Variants in RAB9B observed in about 807,000 individuals in gnomAD.
RAB9B encodes ras-related protein Rab-9B.
RAB9B carries 1 observed loss-of-function variant against 8.9 expected under a neutral mutation model. The observed-to-expected ratio is 0.11, with a 90% CI of 0.04 to 0.53. The LOEUF (loss-of-function observed/expected upper bound fraction) is 0.53. Ranked by LOEUF, RAB9B falls within the 20% of genes least tolerant of loss-of-function variation. RAB9B has a pLI of 0.93. For missense variants in RAB9B, 82 were observed against 152.9 expected (o/e 0.54, Z 2.45); for synonymous variants, 63 against 57.0 (o/e 1.10, Z -0.47).
At position 103,823,800 on chromosome X, in the gene RAB9B, G is replaced by A. The variant is rs1298931949; in HGVS notation, c.*1379C>T. 1.8e-5 allele frequency: 2 copies of A among 112,213 alleles called. No homozygotes were observed. Among genetic ancestry groups the A allele is most frequent in the Non-Finnish European group, 3.8e-5 (2 of 53,263 alleles). 9.2% of individuals were successfully genotyped at this position (112,213 alleles called of 1,213,427 possible). On this transcript the variant is annotated 3_prime_UTR_variant, in exon 3 of 3. Coordinates refer to ENST00000243298, the MANE Select transcript of RAB9B (RefSeq NM_016370.4). ...GAGCTCAAGAATTTTTCCTGCCACA[G>A]TGCAAAAGCAAAAGGAAGAGCTATG...
chrX:103,816,865 C>A, the RAB9B span, among the ~76,000 whole-genome samples: 1 of 112,358 alleles, frequency 8.9e-6, no homozygotes, highest in Non-Finnish European at 1.9e-5. Context: ...AAATGCAAAT[C>A]AAAACCACAA....
In RAB9B at chrX:103,824,701, G is replaced by A. The variant is rs1310146103; in HGVS notation, c.*478C>T. ...AATTCAAGCCTAGGAATCCTTATTTGCATTATTATTTTTATTGTAATACAG... is the reference window on the plus strand; with the variant it reads ...AATTCAAGCCTAGGAATCCTTATTTACATTATTATTTTTATTGTAATACAG... On this transcript the variant is annotated 3_prime_UTR_variant, in exon 3 of 3. Coordinates refer to ENST00000243298, the MANE Select transcript of RAB9B (RefSeq NM_016370.4). 2.7e-5 allele frequency: 3 copies of A among 112,010 alleles called. No homozygotes were observed. Among genetic ancestry groups the A allele is most frequent in the African/African-American group, 9.8e-5 (3 of 30,531 alleles). The allele number at this position is 112,010 out of a possible 1,213,427, so 9.2% of individuals were successfully genotyped here. A position where few individuals can be genotyped will look rare whatever the true frequency, so the allele number is the denominator to read the frequency against.
the RAB9B span, chrX:103,785,510 C>A: frequency 1.1e-6 from 1 of 931,992 alleles, no homozygotes; most frequent in Non-Finnish European, 1.6e-6. Context: ...AGCACAGGGC[C>A]TGGCAGAGGG....
At position 103,824,311 on chromosome X, in the gene RAB9B, C is replaced by G. The variant is rs899281651; in HGVS notation, c.*868G>C. Reference sequence around the variant, plus strand: ...TCTCCATGAGCCCAGCATGTTGGATCAAAGGACCATCTAAATGATGAGCAG... The same window carrying G: ...TCTCCATGAGCCCAGCATGTTGGATGAAAGGACCATCTAAATGATGAGCAG... On this transcript the variant is annotated 3_prime_UTR_variant, in exon 3 of 3. Transcript: ENST00000243298. 2 of 112,250 alleles carry G rather than the reference C, an allele frequency of 1.8e-5. No individual in the cohort carries two copies. The highest frequency in any genetic ancestry group is 6.5e-5 in the African/African-American group (2 of 30,903). 9.3% of individuals were successfully genotyped at this position (112,250 alleles called of 1,213,427 possible).
the RAB9B span, among the ~76,000 whole-genome samples, chrX:103,795,536 A>C: frequency 8.9e-6 from 1 of 111,970 alleles, no homozygotes; most frequent in Non-Finnish European, 1.9e-5. Context: ...AGATGGTTTT[A>C]ATTCTAGTTG....
In RAB9B at chrX:103,822,992, T is replaced by C. The variant is rs1388245237; in HGVS notation, c.*2187A>G. The C allele has an allele frequency of 2.7e-5, 3 of 110,908 alleles. No individual in the cohort carries two copies. The highest frequency in any genetic ancestry group is 5.7e-5 in the Non-Finnish European group (3 of 52,976). 9.1% of individuals were successfully genotyped at this position (110,908 alleles called of 1,213,427 possible). On this transcript the variant is annotated 3_prime_UTR_variant, in exon 3 of 3. Coordinates refer to ENST00000243298, the MANE Select transcript of RAB9B (RefSeq NM_016370.4). Reference sequence around the variant, plus strand: ...AGGATGCCTATGAATCCGATACCCATGTAATTTTTTTTTTTTTACTCAAAT... The same window carrying C: ...AGGATGCCTATGAATCCGATACCCACGTAATTTTTTTTTTTTTACTCAAAT...
chrX:103,829,042 G>A (rs1008843610), intron 1 of RAB9B, among the ~76,000 whole-genome samples: 1 of 111,941 alleles, frequency 8.9e-6, no homozygotes, highest in Non-Finnish European at 1.9e-5. Context: ...AGCTTATGAA[G>A]TTTGCAAAGA....
At position 103,825,834 on chromosome X, in the gene RAB9B, T is replaced by C; in HGVS notation, c.-42-8A>G. On this transcript the variant is annotated splice_region_variant and splice_polypyrimidine_tract_variant and intron_variant, in intron 2 of 2. Transcript: ENST00000243298. ...GTTTGTAACCAAGAGAACCTGAAAA[T>C]AAAAGGAAAAGTAGGAGGGAAAACA... 1 of 1,103,230 alleles carries C rather than the reference T, an allele frequency of 9.1e-7. No individual in the cohort carries two copies. Among genetic ancestry groups the C allele is most frequent in the Admixed American group, 3.0e-5 (1 of 33,304 alleles). The allele number at this position is 1,103,230 out of a possible 1,213,427, so 90.9% of individuals were successfully genotyped here. A position where few individuals can be genotyped will look rare whatever the true frequency, so the allele number is the denominator to read the frequency against.
chrX:103,777,101 C>T, the RAB9B span: 13 of 665,243 alleles, frequency 2.0e-5, no homozygotes, highest in African/African-American at 1.9e-4. Context: ...TTAAATGAGT[C>T]GTGTTTTGGC....
Position 103,823,736 on chromosome X carries a change from C to A in RAB9B, c.*1443G>T, listed in dbSNP as rs1448334422. The A allele has an allele frequency of 8.9e-6, 1 of 111,994 alleles. No individual in the cohort carries two copies. The highest frequency in any genetic ancestry group is 1.9e-5 in the Non-Finnish European group (1 of 53,184). The allele number at this position is 111,994 out of a possible 1,213,427, so 9.2% of individuals were successfully genotyped here. On this transcript the variant is annotated 3_prime_UTR_variant, in exon 3 of 3. Coordinates refer to ENST00000243298, the MANE Select transcript of RAB9B (RefSeq NM_016370.4). ...CCATTTTTATATTTTAACATGGGAG[C>A]TTTAAGATGTTTTTTATCAGTCACA...
At chrX:103,801,376 G>C in the RAB9B span, among the ~76,000 whole-genome samples, 6 of 110,962 alleles carry the variant, frequency 5.4e-5, no homozygotes, top group Admixed American at 9.6e-5. Context: ...CTGCCAAGTG[G>C]TGACAGGCCT....
At chrX:103,818,213 C>G (rs1487250713), downstream of RAB9B, among the ~76,000 whole-genome samples, 2 of 111,376 alleles carry the variant, frequency 1.8e-5, no homozygotes, top group Non-Finnish European at 3.8e-5. Context: ...AATGTATAAA[C>G]AATTACTCTC....
At chrX:103,809,969 G>A in the RAB9B span, among the ~76,000 whole-genome samples, 2 of 111,306 alleles carry the variant, frequency 1.8e-5, no homozygotes, top group South Asian at 3.9e-4. Flanking sequence ...CCTATGCCTG[G>A]CCCTGCACTA....
chrX:103,827,760 G>A (rs2074689040), intron 1 of RAB9B, among the ~76,000 whole-genome samples: 1 of 111,512 alleles, frequency 9.0e-6, no homozygotes, highest in Admixed American at 9.5e-5. Flanking sequence ...TCGACCTCCT[G>A]GGCTCAAGTA....
chrX:103,790,676 C>G, the RAB9B span: 3 of 770,571 alleles, frequency 3.9e-6, no homozygotes, highest in Non-Finnish European at 6.1e-6. Flanking sequence ...CCCATCTTAA[C>G]TCTTTGCCTT....
At chrX:103,805,457 C>T in the RAB9B span, among the ~76,000 whole-genome samples, 2 of 111,264 alleles carry the variant, frequency 1.8e-5, no homozygotes, top group African/African-American at 6.5e-5. Context: ...TTTCTTTTCT[C>T]GTTTTCTCTT....
the RAB9B span, among the ~76,000 whole-genome samples, chrX:103,778,582 A>G: frequency 9.0e-6 from 1 of 111,434 alleles, no homozygotes; most frequent in South Asian, 3.9e-4. Context: ...AGGAACAAAT[A>G]AAGTGACCAC....
At position 103,823,133 on chromosome X, in the gene RAB9B, G is replaced by C. The variant is rs1252217203; in HGVS notation, c.*2046C>G. The C allele has an allele frequency of 9.0e-6, 1 of 111,420 alleles. No individual in the cohort carries two copies. The highest frequency in any genetic ancestry group is 1.9e-5 in the Non-Finnish European group (1 of 53,064). The allele number at this position is 111,420 out of a possible 1,213,427, so 9.2% of individuals were successfully genotyped here. A position where few individuals can be genotyped will look rare whatever the true frequency, so the allele number is the denominator to read the frequency against. On this transcript the variant is annotated 3_prime_UTR_variant, in exon 3 of 3. Transcript: ENST00000243298. The stretch of plus-strand genomic sequence containing the variant: ...TATAAGCAGAGTGCAAGTAGAAAGA[G>C]AAGGCCCCAGGTCTCATGCACTTAA...
the RAB9B span, among the ~76,000 whole-genome samples, chrX:103,779,690 G>A: frequency 8.9e-6 from 1 of 111,894 alleles, no homozygotes; most frequent in Non-Finnish European, 1.9e-5. Flanking sequence ...TTACTTAACA[G>A]GCTGACAACT....
Sources: gnomAD v4.1 joint callset for allele counts (sites outside exome capture counted in the v4.1 genomes callset) on GRCh38, gnomAD v4.1.1 for gene constraint, MANE v1.5 for transcripts, NCBI Gene and HGNC (gene_info 2026-07-23, HGNC 2026-07-21) for gene names.